Variants in P2RY8 observed in about 807,000 individuals in gnomAD.
P2RY8 encodes P2Y receptor family member 8.
In P2RY8, 6 loss-of-function variants were observed where a neutral mutation model predicts 10.0. The observed-to-expected ratio is 0.60, with a 90% CI of 0.33 to 1.19. The LOEUF (loss-of-function observed/expected upper bound fraction) is 1.19, where lower values mean the gene tolerates loss of function less well. P2RY8 is among the 50% of genes most tolerant of loss of function. The pLI, the probability that P2RY8 is intolerant of heterozygous loss-of-function variation, is 0.04. For missense variants in P2RY8, 456 were observed against 542.0 expected (o/e 0.84, Z 1.58); for synonymous variants, 276 against 252.5 (o/e 1.09, Z -0.88).
At chrX:1,521,174 A>G (rs2092388525) in intron 1 of P2RY8, among the ~76,000 whole-genome samples, 1 of 150,706 alleles carries the variant, frequency 6.6e-6, no homozygotes, top group South Asian at 2.1e-4. Flanking sequence ...AGCTGGGATT[A>G]CAGAGCTGGG....
intron 1 of P2RY8, among the ~76,000 whole-genome samples, chrX:1,508,677 T>C (rs1355918042): frequency 5.2e-5 from 5 of 96,852 alleles, no homozygotes; most frequent in Non-Finnish European, 1.2e-4. Flanking sequence ...TATTTATCTA[T>C]CCATCATCCA....
chrX:1,524,349 TCATC>T (rs201531685), intron 1 of P2RY8, among the ~76,000 whole-genome samples: 5,346 of 130,668 alleles, frequency 0.041, 449 homozygotes, highest in Middle Eastern at 0.066. Context: ...ATCCATCCAT[TCATC>T]CATCCATCCA....
At chrX:1,508,668 AT>A (rs1193576023) in intron 1 of P2RY8, among the ~76,000 whole-genome samples, 3 of 127,572 alleles carry the variant, frequency 2.4e-5, no homozygotes, top group African/African-American at 8.0e-5. Flanking sequence ...TCCTGTATGT[AT>A]TTATCTATCC....
chrX:1,468,027 G>A (rs1441695899), intron 1 of P2RY8, among the ~76,000 whole-genome samples: 6 of 151,498 alleles, frequency 4.0e-5, no homozygotes, highest in African/African-American at 9.7e-5. Flanking sequence ...CATTTCCCAG[G>A]CTGGTCTCAA....
At chrX:1,508,221 G>A (rs769210463) in intron 1 of P2RY8, among the ~76,000 whole-genome samples, 1 of 152,270 alleles carries the variant, frequency 6.6e-6, no homozygotes, top group East Asian at 1.9e-4. Context: ...AGTCAGCTGG[G>A]GAGGTGGCGT....
intron 1 of P2RY8, among the ~76,000 whole-genome samples, chrX:1,519,809 G>A (rs1311585740): frequency 1.5e-4 from 23 of 149,284 alleles, no homozygotes; most frequent in South Asian, 2.1e-4. Context: ...ATATTTTCTC[G>A]GATCCCCAAT....
rs147914151 is a variant in P2RY8 at position 1,491,955 on chromosome X, G to A, written c.-24-25373C>T. On this transcript the variant is annotated intron_variant, in intron 1 of 1. Coordinates refer to ENST00000381297, the MANE Select transcript of P2RY8 (RefSeq NM_178129.5). ...ATGAGTGATGGAATGGACAGAAGGC[G>A]GCAGGGGCAGTGTGGACGTTAGCCC... Among the ~76,000 whole-genome samples the A allele has an allele frequency of 6.8e-3, 1,038 of 152,300 alleles. 8 individuals are homozygous for A. Among genetic ancestry groups the A allele is most frequent in the African/African-American group, 0.023 (941 of 41,564 alleles).
At chrX:1,473,126 T>C (rs2091815475) in intron 1 of P2RY8, among the ~76,000 whole-genome samples, 1 of 130,674 alleles carries the variant, frequency 7.7e-6, no homozygotes, top group Admixed American at 7.7e-5. Context: ...GATGGGTAGA[T>C]GGATGGGTGG....
Position 1,465,260 on chromosome X carries a change from G to A in P2RY8, c.*219C>T, listed in dbSNP as rs1439153160. ...AGCACCCTGTGCGCTGCTGGGCTTTGCTTGTTTCTCTACCCTGAGTGAAGC... is the reference window on the plus strand; with the variant it reads ...AGCACCCTGTGCGCTGCTGGGCTTTACTTGTTTCTCTACCCTGAGTGAAGC... On this transcript the variant is annotated 3_prime_UTR_variant, in exon 2 of 2. Coordinates refer to ENST00000381297, the MANE Select transcript of P2RY8 (RefSeq NM_178129.5). 2 of 710,152 alleles carry A rather than the reference G, an allele frequency of 2.8e-6. No homozygotes were observed. Among genetic ancestry groups the A allele is most frequent in the Non-Finnish European group, 4.5e-6 (2 of 447,322 alleles). The allele number at this position is 710,152 out of a possible 1,614,324, so 44.0% of individuals were successfully genotyped here.
intron 1 of P2RY8, among the ~76,000 whole-genome samples, chrX:1,530,612 ATGTG>A (rs2092467757): frequency 6.6e-6 from 1 of 150,838 alleles, no homozygotes; most frequent in Admixed American, 6.6e-5. Flanking sequence ...ATCTATATGT[ATGTG>A]TGTATCTATC....
intron 1 of P2RY8, among the ~76,000 whole-genome samples, chrX:1,488,938 GGAAT>G (rs1227027130): frequency 8.6e-5 from 13 of 151,530 alleles, no homozygotes; most frequent in Non-Finnish European, 1.5e-4. Flanking sequence ...AAATGTGGAG[GGAAT>G]GAATGAATGA....
At chrX:1,486,838 C>T (rs1358548653) in intron 1 of P2RY8, among the ~76,000 whole-genome samples, 6 of 152,226 alleles carry the variant, frequency 3.9e-5, no homozygotes, top group Non-Finnish European at 8.8e-5. Flanking sequence ...ACTCCCTGCC[C>T]GCGCTGAGTC....
chrX:1,497,649 C>G (rs1193400731), intron 1 of P2RY8, among the ~76,000 whole-genome samples: 4 of 150,262 alleles, frequency 2.7e-5, no homozygotes, highest in African/African-American at 1.0e-4. Context: ...CGAGTAAACT[C>G]TGTCTCAAAA....
Position 1,465,190 on chromosome X carries a change from T to G in P2RY8, c.*289A>C, listed in dbSNP as rs2091646495. ...ATTAGCCGGGCGTGGTGACACAAGC[T>G]GTCCCCTGACACAGAGAGGCAGAGG... On this transcript the variant is annotated 3_prime_UTR_variant, in exon 2 of 2. Transcript: ENST00000381297. 2 of 494,590 alleles carry G rather than the reference T, an allele frequency of 4.0e-6. No homozygotes were observed. The highest frequency in any genetic ancestry group is 3.9e-5 in the African/African-American group (2 of 51,684). 30.6% of individuals were successfully genotyped at this position (494,590 alleles called of 1,614,324 possible).
Position 1,493,688 on chromosome X carries a change from C to A in P2RY8, c.-24-27106G>T, listed in dbSNP as rs1472748232. ...AGGTGGGACTTTCTTCATCCGAGAG[C>A]CACCCAACCCAGCATCTCGGCGTGG... On this transcript the variant is annotated intron_variant, in intron 1 of 1. Transcript: ENST00000381297. 2.0e-5 allele frequency among the ~76,000 whole-genome samples: 3 copies of A among 152,300 alleles called. No individual in the cohort carries two copies. The East Asian group carries it at 5.8e-4, about 29-fold the overall frequency.
At chrX:1,529,868 G>A (rs761245539) in intron 1 of P2RY8, among the ~76,000 whole-genome samples, 9 of 151,650 alleles carry the variant, frequency 5.9e-5, no homozygotes, top group East Asian at 1.9e-4. Flanking sequence ...TTCTCATCAC[G>A]GCACACTGGG....
At chrX:1,509,343 T>TCACC (rs1227380873) in intron 1 of P2RY8, among the ~76,000 whole-genome samples, 1 of 140,028 alleles carries the variant, frequency 7.1e-6, no homozygotes, top group African/African-American at 2.7e-5. Context: ...TATCTATCCA[T>TCACC]CATCCATCCA....
In P2RY8 at chrX:1,465,246, C is replaced by T. The variant is rs1182480135; in HGVS notation, c.*233G>A. On this transcript the variant is annotated 3_prime_UTR_variant, in exon 2 of 2. Coordinates refer to ENST00000381297, the MANE Select transcript of P2RY8 (RefSeq NM_178129.5). ...TCTGCAGGATAACAAGCACCCTGTG[C>T]GCTGCTGGGCTTTGCTTGTTTCTCT... is the stretch of plus-strand genomic sequence containing the variant. 2.2e-5 allele frequency: 14 copies of T among 637,514 alleles called. No homozygotes were observed. Among genetic ancestry groups the T allele is most frequent in the Non-Finnish European group, 2.9e-5 (11 of 384,906 alleles). 39.5% of individuals were successfully genotyped at this position (637,514 alleles called of 1,614,324 possible).
intron 1 of P2RY8, among the ~76,000 whole-genome samples, chrX:1,534,808 G>T (rs1282709949): frequency 6.6e-6 from 1 of 152,092 alleles, no homozygotes; most frequent in Non-Finnish European, 1.5e-5. Flanking sequence ...CTAAGCCATC[G>T]CTTCTTCCCT....
Sources: allele counts gnomAD v4.1 joint callset (sites outside exome capture counted in the v4.1 genomes callset), GRCh38; gene constraint gnomAD v4.1.1; transcripts MANE v1.5; gene names NCBI Gene and HGNC (gene_info 2026-07-23, HGNC 2026-07-21).